NMU: variants seen among roughly 807,000 people sequenced by gnomAD.
NMU encodes neuromedin U, also known as neuromedin-U.
NMU carries 29 observed loss-of-function variants against 35.4 expected under a neutral mutation model. The ratio of observed to expected loss-of-function variants is 0.82; its 90% CI spans 0.61 to 1.12. The LOEUF (loss-of-function observed/expected upper bound fraction) is 1.12, where lower values mean the gene tolerates loss of function less well. Among genes scored for constraint, NMU ranks in the 50% most tolerant of loss-of-function variants. The pLI, the probability that NMU is intolerant of heterozygous loss-of-function variation, is 0.00. For missense variants in NMU, 199 were observed against 206.2 expected, an observed-to-expected ratio of 0.97 and a Z score of 0.21; for synonymous variants, 78 against 81.3, an observed-to-expected ratio of 0.96 and a Z score of 0.22.
chr4:55,614,011 A>G (rs996758995), intron 3 of NMU, among the ~76,000 whole-genome samples: 1 of 152,232 alleles, frequency 6.6e-6, no homozygotes, highest in African/African-American at 2.4e-5. Context: ...ACCCAAATAC[A>G]GTTACTATAC....
chr4:55,634,690 A>T (rs1715804232), intron 1 of NMU, among the ~76,000 whole-genome samples: 1 of 152,236 alleles, frequency 6.6e-6, no homozygotes, highest in Non-Finnish European at 1.5e-5. Flanking sequence ...AAGAAGGCAG[A>T]TAAAGATTAC....
At chr4:55,631,351 G>T (rs969778913) in intron 1 of NMU, among the ~76,000 whole-genome samples, 7 of 152,136 alleles carry the variant, frequency 4.6e-5, no homozygotes, top group Admixed American at 4.6e-4. Flanking sequence ...AAAGGCTTTT[G>T]CACAGCAAAA....
chr4:55,613,830 A>G (rs1250165041), intron 3 of NMU, among the ~76,000 whole-genome samples: 3 of 152,206 alleles, frequency 2.0e-5, no homozygotes, highest in African/African-American at 2.4e-5. Flanking sequence ...GACTGTAAGT[A>G]ACACTTCACC....
intron 2 of NMU, among the ~76,000 whole-genome samples, chr4:55,618,654 T>G (rs1734209434): frequency 6.6e-6 from 1 of 151,374 alleles, no homozygotes; most frequent in African/African-American, 2.4e-5. Context: ...TCTTTCTTTC[T>G]CATCTTTCTT....
At chr4:55,601,685 C>T (rs191427512) in intron 7 of NMU, among the ~76,000 whole-genome samples, 1 of 151,928 alleles carries the variant, frequency 6.6e-6, no homozygotes, top group Admixed American at 6.6e-5. Flanking sequence ...TGTTTATATA[C>T]CTATATAAGC....
intron 1 of NMU, among the ~76,000 whole-genome samples, chr4:55,630,726 A>C (rs1046378688): frequency 6.6e-6 from 1 of 152,196 alleles, no homozygotes; most frequent in African/African-American, 2.4e-5. Context: ...GAATTGGAAG[A>C]ATGAATATTA....
At chr4:55,632,330 C>T (rs186789168) in intron 1 of NMU, among the ~76,000 whole-genome samples, 10 of 152,084 alleles carry the variant, frequency 6.6e-5, no homozygotes, top group Non-Finnish European at 8.8e-5. Flanking sequence ...TGAATTCATA[C>T]AAGTTTTTAC....
intron 7 of NMU, among the ~76,000 whole-genome samples, chr4:55,603,012 T>C (rs981590047): frequency 3.9e-5 from 6 of 152,150 alleles, no homozygotes; most frequent in African/African-American, 7.2e-5. Flanking sequence ...TTTTTTTCTT[T>C]TTTGAGATGG....
At position 55,636,039 on chromosome 4, in the gene NMU, G is replaced by T; in HGVS notation, c.112+42C>A. ...GAGCGGTGAGTGGAGCCAGAGAGAGGCGCGCATGGCGTGGAAGCGGCCGGG... is the reference window on the plus strand; with the variant it reads ...GAGCGGTGAGTGGAGCCAGAGAGAGTCGCGCATGGCGTGGAAGCGGCCGGG... On this transcript the variant is annotated intron_variant, in intron 1 of 9. Transcript: ENST00000264218. The surrounding 1 kb of genome is among the most constrained non-coding windows in gnomAD (Gnocchi z 4.0). The T allele has an allele frequency of 6.5e-7, 1 of 1,532,610 alleles. No individual in the cohort carries two copies. Among genetic ancestry groups the T allele is most frequent in the Non-Finnish European group, 8.7e-7 (1 of 1,146,070 alleles). 94.9% of individuals were successfully genotyped at this position (1,532,610 alleles called of 1,614,324 possible). A position where few individuals can be genotyped will look rare whatever the true frequency, so the allele number is the denominator to read the frequency against.
At chr4:55,608,103 A>G (rs1421181532) in intron 4 of NMU, among the ~76,000 whole-genome samples, 1 of 140,792 alleles carries the variant, frequency 7.1e-6, no homozygotes, top group Admixed American at 7.9e-5. Flanking sequence ...TGAACCTGGG[A>G]GGCGGAGCTT....
chr4:55,601,954 G>T (rs1048469198), intron 7 of NMU, among the ~76,000 whole-genome samples: 1 of 151,918 alleles, frequency 6.6e-6, no homozygotes, highest in Non-Finnish European at 1.5e-5. Context: ...CCATGATCAC[G>T]TCACTGCACT....
chr4:55,606,888 G>A (rs1235003645), intron 6 of NMU, among the ~76,000 whole-genome samples: 4 of 152,072 alleles, frequency 2.6e-5, no homozygotes, highest in African/African-American at 9.7e-5. Context: ...ATGTTGGCCA[G>A]GCTGGTCTCG....
At chr4:55,620,094 A>G (rs1734324877) in intron 2 of NMU, among the ~76,000 whole-genome samples, 1 of 104,942 alleles carries the variant, frequency 9.5e-6, no homozygotes, top group Non-Finnish European at 2.0e-5. Flanking sequence ...TGGAAACTCT[A>G]AAACGCAGAG....
In NMU at chr4:55,636,130, C is replaced by T. The variant is rs1715911720; in HGVS notation, c.63G>A (p.Pro21=). Residue 21 remains proline, a synonymous_variant, in exon 1 of 10, where the codon CCG becomes CCA. Coordinates refer to ENST00000264218, the MANE Select transcript of NMU (RefSeq NM_006681.4). This position sits in a 1 kb window ranked among gnomAD's most constrained non-coding sequence, Gnocchi z 4.0. ...SPAGQVAAAS[P]LLLLLLLLAW... ...CGAGCAGCAGCAGCAGCAGCAGGAG[C>T]GGGGACGCCGCGGCCACCTGTCCGG... 5.9e-6 allele frequency: 9 copies of T among 1,525,116 alleles called. No homozygotes were observed. The highest frequency in any genetic ancestry group is 1.4e-5 in the African/African-American group (1 of 71,462). 94.5% of individuals were successfully genotyped at this position (1,525,116 alleles called of 1,614,324 possible).
At chr4:55,630,682 T>C (rs1317485325) in intron 1 of NMU, among the ~76,000 whole-genome samples, 1 of 152,006 alleles carries the variant, frequency 6.6e-6, no homozygotes, top group Non-Finnish European at 1.5e-5. Context: ...ATTACTTATG[T>C]CTACAGACAA....
intron 3 of NMU, among the ~76,000 whole-genome samples, chr4:55,611,203 AAC>A (rs1210412625): frequency 6.6e-6 from 1 of 151,972 alleles, no homozygotes; most frequent in Non-Finnish European, 1.5e-5. Context: ...CTCTACAAAA[AAC>A]ACAAAAAATT....
rs3838644 is a variant in NMU at position 55,636,106 on chromosome 4, GAGC to G, written c.84_86del (p.Leu29del). 381 of 1,491,860 alleles carry G rather than the reference GAGC, an allele frequency of 2.6e-4. No individual in the cohort carries two copies. The highest frequency in any genetic ancestry group is 1.5e-3 in the East Asian group (55 of 36,988). 92.4% of individuals were successfully genotyped at this position (1,491,860 alleles called of 1,614,324 possible). On this transcript the variant is annotated inframe_deletion, in exon 1 of 10. Coordinates refer to ENST00000264218, the MANE Select transcript of NMU (RefSeq NM_006681.4). The surrounding 1 kb of genome is among the most constrained non-coding windows in gnomAD (Gnocchi z 4.0). ...CTCGGCAGGCGCCCGCGCACCAGGC[GAGC>G]AGCAGCAGCAGCAGCAGGAGCGGGG...
At chr4:55,599,322 C>A in intron 8 of NMU, 141 bp from the exon 9 acceptor site, 1 of 667,806 alleles carries the variant, frequency 1.5e-6, no homozygotes, top group Non-Finnish European at 2.7e-6. Flanking sequence ...GACTGCTGGA[C>A]CCCATAGCCA....
At chr4:55,627,322 G>C (rs527944634) in intron 2 of NMU, among the ~76,000 whole-genome samples, 1 of 150,902 alleles carries the variant, frequency 6.6e-6, no homozygotes, top group East Asian at 1.9e-4. Flanking sequence ...ACGAGTAGCT[G>C]TTCATATTTA....
Sources: gnomAD v4.1 joint callset for allele counts (sites outside exome capture counted in the v4.1 genomes callset) on GRCh38, gnomAD v4.1.1 for gene constraint, Gnocchi (gnomAD v3.1) non-coding constraint, MANE v1.5 for transcripts, NCBI Gene and HGNC (gene_info 2026-07-23, HGNC 2026-07-21) for gene names.